PCDHB7: variants seen among roughly 807,000 people sequenced by gnomAD.
The protein encoded by PCDHB7 is protocadherin beta-7.
For missense variants in PCDHB7, 1,148 were observed against 1,011.6 expected, an observed-to-expected ratio of 1.13 and a Z score of -1.83; for synonymous variants, 542 against 463.1, an observed-to-expected ratio of 1.17 and a Z score of -2.19.
Position 141,172,803 on chromosome 5 carries a change from G to T in PCDHB7, c.-33G>T. The T allele has an allele frequency of 1.9e-6, 3 of 1,569,834 alleles. No individual in the cohort carries two copies. Among genetic ancestry groups the T allele is most frequent in the Non-Finnish European group, 2.6e-6 (3 of 1,148,014 alleles). ...TTGTGAGAGCCGCTGGAGGCTGAGT[G>T]AAAGTCATTTTGAAAGACTGATCCA... On this transcript the variant is annotated 5_prime_UTR_variant, in exon 1 of 1. Coordinates refer to ENST00000231137, the MANE Select transcript of PCDHB7 (RefSeq NM_018940.4).
Position 141,173,573 on chromosome 5 carries a change from C to G in PCDHB7, c.738C>G (p.Leu246=). Residue 246 remains leucine (L), a synonymous_variant, in exon 1 of 1, where the codon CTC becomes CTG. Transcript: ENST00000231137. ...ACGCCCCTGATTTTGTGCGGTCGCT[C>G]TACAAGGTGCAGGTGCCCGAAAATA... The part of the protein sequence containing the change: ...NDNAPDFVRS[L]YKVQVPENSP... 1 of 1,614,020 alleles carries G rather than the reference C, an allele frequency of 6.2e-7. No homozygotes were observed. The highest frequency in any genetic ancestry group is 8.5e-7 in the Non-Finnish European group (1 of 1,179,966).
chr5:141,173,493 C>A lies in PCDHB7; in HGVS notation c.658C>A (p.Pro220Thr). 1 of 1,614,128 alleles carries A rather than the reference C, an allele frequency of 6.2e-7. No individual in the cohort carries two copies. Among genetic ancestry groups the A allele is most frequent in the Non-Finnish European group, 8.5e-7 (1 of 1,180,018 alleles). Residue 220 changes from proline to threonine, a missense_variant, in exon 1 of 1, where the codon CCT becomes ACT. Transcript: ENST00000231137. ...CCTCACCGCTTTAGACGGCGGCTCT[C>A]CTCCAAGATCAGGGACCGCCCTCGT... ...LTLTALDGGS[P>T]PRSGTALVRI...
rs1554280068 is a variant in PCDHB7, at chr5:141,173,858, C to T, written c.1023C>T (p.Asn341=). ...TAGTGGTTGATGTAACAGATATAAA[C>T]GATAATCGACCCGAGCTGCTCCTGT... ...CTVVVDVTDI[N]DNRPELLLSS... is the part of the protein sequence containing the mutation. Residue 341 remains asparagine (N), a synonymous_variant, in exon 1 of 1, where the codon AAC becomes AAT. Transcript: ENST00000231137. 6.2e-7 allele frequency: 1 copy of T among 1,614,028 alleles called. No individual in the cohort carries two copies. Among genetic ancestry groups the T allele is most frequent in the Middle Eastern group, 1.6e-4 (1 of 6,062 alleles).
chr5:141,173,524 T>C lies in PCDHB7; in HGVS notation c.689T>C (p.Ile230Thr), dbSNP rs782657241. The change falls in exon 1 of 1, where the codon ATT becomes ACT. Residue 230 changes from isoleucine (I) to threonine (T), a missense_variant. Physicochemically the swap from Ile to Thr is moderately conservative, Grantham distance 89 (BLOSUM62 -1). Transcript: ENST00000231137. ...AGATCAGGGACCGCCCTCGTGCGCA[T>C]TCTGGTTCTAGACGTAAATGACAAC... ...PPRSGTALVR[I>T]LVLDVNDNAP... 1.2e-6 allele frequency: 2 copies of C among 1,613,926 alleles called. No individual in the cohort carries two copies. The highest frequency in any genetic ancestry group is 3.3e-5 in the Admixed American group (2 of 60,018).
Position 141,173,653 on chromosome 5 carries a change from G to A in PCDHB7, c.818G>A (p.Ser273Asn). ...TCAGCCAGAGATTTAGATACCGGAA[G>A]TAATGGGGAAATAGCCTATGCATTT... ...SVSARDLDTG[S>N]NGEIAYAFSY... The change falls in exon 1 of 1, where the codon AGT becomes AAT. Residue 273 changes from serine (S) to asparagine (N), a missense_variant. Transcript: ENST00000231137. The A allele has an allele frequency of 6.2e-7, 1 of 1,614,208 alleles. No homozygotes were observed. Among genetic ancestry groups the A allele is most frequent in the South Asian group, 1.1e-5 (1 of 91,088 alleles).
Position 141,173,147 on chromosome 5 carries a change from G to C in PCDHB7, c.312G>C (p.Leu104=). The change falls in exon 1 of 1, where the codon CTG becomes CTC. Residue 104 remains leucine (L), a synonymous_variant. Coordinates refer to ENST00000231137, the MANE Select transcript of PCDHB7 (RefSeq NM_018940.4). The stretch of plus-strand genomic sequence containing the variant: ...GTGGCCCCAGAGAGCCCTGTGTGCT[G>C]CCTTTCCAGTTGTTATTGGAAAAAC... ...ELCGPREPCV[L]PFQLLLEKPF... 1 of 1,614,084 alleles carries C rather than the reference G, an allele frequency of 6.2e-7. No individual in the cohort carries two copies. Among genetic ancestry groups the C allele is most frequent in the Non-Finnish European group, 8.5e-7 (1 of 1,179,978 alleles).
In PCDHB7 at chr5:141,173,182, T is replaced by G; in HGVS notation, c.347T>G (p.Ile116Ser). The change falls in exon 1 of 1, where the codon ATT (isoleucine) becomes AGT (serine). Residue 116 changes from isoleucine (I) to serine (S), a missense_variant. Coordinates refer to ENST00000231137, the MANE Select transcript of PCDHB7 (RefSeq NM_018940.4). ...FQLLLEKPFQ[I>S]FRAELWVRDI... is the part of the protein sequence containing the mutation. ...TTGTTATTGGAAAAACCTTTTCAGATTTTCCGTGCTGAACTATGGGTCAGA... is the reference window on the plus strand; with the variant it reads ...TTGTTATTGGAAAAACCTTTTCAGAGTTTCCGTGCTGAACTATGGGTCAGA... 6.2e-7 allele frequency: 1 copy of G among 1,613,878 alleles called. No individual in the cohort carries two copies. Among genetic ancestry groups the G allele is most frequent in the Non-Finnish European group, 8.5e-7 (1 of 1,179,896 alleles).
In PCDHB7 at chr5:141,173,310, G is replaced by T. The variant is rs201008826; in HGVS notation, c.475G>T (p.Asp159Tyr). ...GAAFLLESAQ[D>Y]SDVGTNSLSN... ...GGCATTTCTCCTAGAGAGTGCACAG[G>T]ATTCAGATGTTGGAACCAACAGCCT... The change falls in exon 1 of 1, where the codon GAT (aspartate) becomes TAT (tyrosine). Residue 159 changes from aspartate to tyrosine, a missense_variant. By Grantham distance (160) the Asp-to-Tyr change is radical. Transcript: ENST00000231137. 6.2e-7 allele frequency: 1 copy of T among 1,614,056 alleles called. No individual in the cohort carries two copies. The highest frequency in any genetic ancestry group is 2.2e-5 in the East Asian group (1 of 44,880).
chr5:141,174,301 C>T lies in PCDHB7; in HGVS notation c.1466C>T (p.Ser489Phe), dbSNP rs1444986025. The T allele has an allele frequency of 5.6e-6, 9 of 1,612,368 alleles. No homozygotes were observed. Among genetic ancestry groups the T allele is most frequent in the Non-Finnish European group, 7.6e-6 (9 of 1,179,610 alleles). The change falls in exon 1 of 1, where the codon TCC becomes TTC. Residue 489 changes from serine (S) to phenylalanine (F), a missense_variant. Ser to Phe is a radical substitution (Grantham distance 155, BLOSUM62 -2). Transcript: ENST00000231137. ...GGCACCAACGCCCAGGTCATCTACT[C>T]CCTGCTGCCGTCCCAGGACCCGCAC... is the stretch of plus-strand genomic sequence containing the variant. ...DSGTNAQVIYSLLPSQDPHLP... is the reference protein window; with the variant it reads ...DSGTNAQVIYFLLPSQDPHLP...
rs111658515 is a variant in PCDHB7 at position 141,174,093 on chromosome 5, A to T, written c.1258A>T (p.Thr420Ser). The change falls in exon 1 of 1, where the codon ACC becomes TCC. Residue 420 changes from threonine to serine, a missense_variant. Transcript: ENST00000231137. ...DRERNTEYNI[T>S]ITVTDLGTPR... ...AGAGAGGAACACTGAGTACAACATC[A>T]CCATCACCGTCACCGACTTGGGGAC... The T allele has an allele frequency of 6.2e-7, 1 of 1,614,066 alleles. No individual in the cohort carries two copies. The highest frequency in any genetic ancestry group is 1.3e-5 in the African/African-American group (1 of 75,038).
rs1191996567 is a variant in PCDHB7 at position 141,175,885 on chromosome 5, G to A, written c.*668G>A. 6.0e-6 allele frequency: 1 copy of A among 167,142 alleles called. No homozygotes were observed. The highest frequency in any genetic ancestry group is 2.4e-5 in the African/African-American group (1 of 41,450). 10.4% of individuals were successfully genotyped at this position (167,142 alleles called of 1,614,324 possible). A position where few individuals can be genotyped will look rare whatever the true frequency, so the allele number is the denominator to read the frequency against. Reference sequence around the variant, plus strand: ...AGTCTTTTATCATATTTATACTGCTGTCCAATCTTTTCTATATTTAGAAAT... The same window carrying A: ...AGTCTTTTATCATATTTATACTGCTATCCAATCTTTTCTATATTTAGAAAT... On this transcript the variant is annotated 3_prime_UTR_variant, in exon 1 of 1. Coordinates refer to ENST00000231137, the MANE Select transcript of PCDHB7 (RefSeq NM_018940.4).
rs80165947 is a variant in PCDHB7 at position 141,174,985 on chromosome 5, C to T, written c.2150C>T (p.Ala717Val). The T allele has an allele frequency of 1.4e-4, 225 of 1,613,722 alleles. No homozygotes were observed. The African/African-American group carries it at 2.7e-3, about 20-fold the overall frequency. ...GTGCGGCTGTGCAGGAGGAGCAGGG[C>T]GGCCCCGGTGGGTCGCTGCTCGGTG... ...VAVRLCRRSR[A>V]APVGRCSVPE... is the part of the protein sequence containing the mutation. The change falls in exon 1 of 1, where the codon GCG becomes GTG. Residue 717 changes from alanine (A) to valine (V), a missense_variant. Physicochemically the swap from Ala to Val is moderately conservative, Grantham distance 64. Transcript: ENST00000231137.
Position 141,174,281 on chromosome 5 carries a change from C to A in PCDHB7, c.1446C>A (p.Thr482=). Reference sequence around the variant, plus strand: ...GCGCCACAGACAGAGACTCGGGCACCAACGCCCAGGTCATCTACTCCCTGC... The same window carrying A: ...GCGCCACAGACAGAGACTCGGGCACAAACGCCCAGGTCATCTACTCCCTGC... The part of the protein sequence containing the change: ...SVSATDRDSG[T]NAQVIYSLLP... Residue 482 remains threonine, a synonymous_variant, in exon 1 of 1, where the codon ACC becomes ACA. Coordinates refer to ENST00000231137, the MANE Select transcript of PCDHB7 (RefSeq NM_018940.4). 2 of 1,612,542 alleles carry A rather than the reference C, an allele frequency of 1.2e-6. No homozygotes were observed. Among genetic ancestry groups the A allele is most frequent in the Non-Finnish European group, 1.7e-6 (2 of 1,179,624 alleles).
At position 141,173,246 on chromosome 5, in the gene PCDHB7, G is replaced by C. The variant is rs782561117; in HGVS notation, c.411G>C (p.Glu137Asp). The C allele has an allele frequency of 1.9e-6, 3 of 1,614,044 alleles. No homozygotes were observed. In the East Asian group the frequency reaches 6.7e-5, roughly 36 times the overall value. The change falls in exon 1 of 1, where the codon GAG becomes GAC. Residue 137 changes from glutamate to aspartate, a missense_variant. Glu to Asp is a conservative substitution (Grantham distance 45). Coordinates refer to ENST00000231137, the MANE Select transcript of PCDHB7 (RefSeq NM_018940.4). ...NDHAPVFLDR[E>D]ISLKILESTT... is the part of the protein sequence containing the mutation. ...ACGCTCCAGTATTTCTAGACAGAGA[G>C]ATTTCCTTGAAAATATTAGAAAGTA...
rs751461245 is a variant in PCDHB7, at chr5:141,174,938, C to T, written c.2103C>T (p.Leu701=). The T allele has an allele frequency of 2.0e-4, 321 of 1,611,674 alleles. 1 individual carries two copies. Among genetic ancestry groups the T allele is most frequent in the Non-Finnish European group, 2.2e-4 (255 of 1,178,894 alleles). ...ALASVSSLFL[L]SVLLFVAVRL... ...CCTCGGTGTCTTCGCTCTTCCTCCT[C>T]TCGGTGCTCCTGTTCGTGGCGGTGC... Residue 701 remains leucine (L), a synonymous_variant, in exon 1 of 1, where the codon CTC becomes CTT. Coordinates refer to ENST00000231137, the MANE Select transcript of PCDHB7 (RefSeq NM_018940.4).
In PCDHB7 at chr5:141,174,010, T is replaced by C. The variant is rs782673612; in HGVS notation, c.1175T>C (p.Ile392Thr). ...VCSIQDDVPF[I>T]LKPSVENFYT... ...TCCATCCAGGACGATGTCCCCTTCA[T>C]CCTGAAGCCATCTGTCGAAAACTTC... is the stretch of plus-strand genomic sequence containing the variant. The change falls in exon 1 of 1, where the codon ATC becomes ACC. Residue 392 changes from isoleucine to threonine, a missense_variant. Physicochemically the swap from Ile to Thr is moderately conservative, Grantham distance 89. Transcript: ENST00000231137. The C allele has an allele frequency of 1.9e-6, 3 of 1,614,012 alleles. No individual in the cohort carries two copies. In the African/African-American group the frequency reaches 4.0e-5, roughly 22 times the overall value.
chr5:141,173,189 T>C lies in PCDHB7; in HGVS notation c.354T>C (p.Arg118=). 1 of 1,613,994 alleles carries C rather than the reference T, an allele frequency of 6.2e-7. No homozygotes were observed. The highest frequency in any genetic ancestry group is 2.2e-5 in the East Asian group (1 of 44,882). ...TGGAAAAACCTTTTCAGATTTTCCG[T>C]GCTGAACTATGGGTCAGAGACATCA... ...LLLEKPFQIF[R]AELWVRDIND... is the part of the protein sequence containing the mutation. Residue 118 remains arginine, a synonymous_variant, in exon 1 of 1, where the codon CGT becomes CGC. Coordinates refer to ENST00000231137, the MANE Select transcript of PCDHB7 (RefSeq NM_018940.4).
chr5:141,172,718 ATCCT>A lies in PCDHB7; in HGVS notation c.-114_-111del, dbSNP rs1753243164. The A allele has an allele frequency of 1.3e-6, 1 of 796,156 alleles. No homozygotes were observed. The highest frequency in any genetic ancestry group is 1.8e-5 in the South Asian group (1 of 54,488). The allele number at this position is 796,156 out of a possible 1,614,324, so 49.3% of individuals were successfully genotyped here. A position where few individuals can be genotyped will look rare whatever the true frequency, so the allele number is the denominator to read the frequency against. ...TAATAGGAATTGGGGTAAAATGAGGATCCTTCCCCACAAACATTGCTATTATTCA... is the reference window on the plus strand; with the variant it reads ...TAATAGGAATTGGGGTAAAATGAGGATCCCCACAAACATTGCTATTATTCA... On this transcript the variant is annotated 5_prime_UTR_variant, in exon 1 of 1. The change abolishes the stop of an existing upstream ORF in the 5' untranslated region. Transcript: ENST00000231137.
In PCDHB7 at chr5:141,174,255, A is replaced by G. The variant is rs1305011462; in HGVS notation, c.1420A>G (p.Ser474Gly). 3 of 1,612,596 alleles carry G rather than the reference A, an allele frequency of 1.9e-6. No individual in the cohort carries two copies. Among genetic ancestry groups the G allele is most frequent in the Non-Finnish European group, 1.7e-6 (2 of 1,179,710 alleles). The change falls in exon 1 of 1, where the codon AGC becomes GGC. Residue 474 changes from serine to glycine, a missense_variant. By Grantham distance (56) the Ser-to-Gly change is moderately conservative (BLOSUM62 0). Coordinates refer to ENST00000231137, the MANE Select transcript of PCDHB7 (RefSeq NM_018940.4). ...CCCCGCCCTGCCCATCGGCAGTGTC[A>G]GCGCCACAGACAGAGACTCGGGCAC... ...NSPALPIGSV[S>G]ATDRDSGTNA...
Sources: gnomAD v4.1 joint callset for allele counts on GRCh38, gnomAD v4.1.1 for gene constraint, MANE v1.5 for transcripts, NCBI Gene and HGNC (gene_info 2026-07-23, HGNC 2026-07-21) for gene names.